The following GALNT17 variants were observed in gnomAD, a reference collection of about 807,000 sequenced individuals.
GALNT17 encodes polypeptide N-acetylgalactosaminyltransferase 17.
In GALNT17, 29 loss-of-function variants were observed where a neutral mutation model predicts 63.7. That is an observed-to-expected ratio of 0.46 (90% CI 0.34 to 0.62). The LOEUF is 0.62. GALNT17 is among the 20% of genes least tolerant of loss of function. The pLI, the probability that GALNT17 is intolerant of heterozygous loss-of-function variation, is 0.01. For missense variants in GALNT17, 603 were observed against 799.6 expected (o/e 0.75, Z 2.97); for synonymous variants, 305 against 318.3 (o/e 0.96, Z 0.45).
At chr7:71,591,007 C>G (rs1026120631) in intron 6 of GALNT17, among the ~76,000 whole-genome samples, 1 of 152,112 alleles carries the variant, frequency 6.6e-6, no homozygotes, top group African/African-American at 2.4e-5. Flanking sequence ...GTGATCCACC[C>G]ACCTAGGCCT....
At position 71,661,080 on chromosome 7, in the gene GALNT17, C is replaced by G. The variant is rs183563724; in HGVS notation, c.1081-4331C>G. Among the ~76,000 whole-genome samples, 328 of 152,328 alleles carry G rather than the reference C, an allele frequency of 2.2e-3. 3 individuals are homozygous for G. The highest frequency in any genetic ancestry group is 7.3e-3 in the African/African-American group (304 of 41,580). On this transcript the variant is annotated intron_variant, in intron 6 of 10. Coordinates refer to ENST00000333538, the MANE Select transcript of GALNT17 (RefSeq NM_022479.3). ...ATATATCTATATGCCCAGCTCTGTC[C>G]TCACTGTTTCCCCTGCTCACTGTGG...
chr7:71,201,936 T>C lies in GALNT17; in HGVS notation c.238+68896T>C, dbSNP rs138571580. Among the ~76,000 whole-genome samples the C allele has an allele frequency of 2.9e-3, 436 of 152,324 alleles. 4 individuals carry two copies. Among genetic ancestry groups the C allele is most frequent in the African/African-American group, 9.8e-3 (409 of 41,576 alleles). On this transcript the variant is annotated intron_variant, in intron 1 of 10. Transcript: ENST00000333538. ...GCGTGAGCCACTGCGCCTGGCCTAC[T>C]TTGGCAGTTAAATTCTTTAAACATT...
intron 5 of GALNT17, among the ~76,000 whole-genome samples, chr7:71,569,260 G>A (rs1476235262): frequency 6.6e-6 from 1 of 152,090 alleles, no homozygotes; most frequent in Non-Finnish European, 1.5e-5. Flanking sequence ...GTGAGTCATC[G>A]TGCCCGGCTC....
chr7:71,701,830 CATATATATATGTGTAT>C (rs1562742404), intron 9 of GALNT17, among the ~76,000 whole-genome samples: 41 of 23,696 alleles, frequency 1.7e-3, no homozygotes, highest in South Asian at 7.7e-3. Context: ...TATATATACA[CATATATATATGTGTAT>C]ATATATATAC....
At chr7:71,413,575 T>A (rs1793469694) in intron 3 of GALNT17, among the ~76,000 whole-genome samples, 1 of 151,810 alleles carries the variant, frequency 6.6e-6, no homozygotes, top group Non-Finnish European at 1.5e-5. Flanking sequence ...GGTTTCTCCA[T>A]GGTGGCCAGG....
intron 5 of GALNT17, among the ~76,000 whole-genome samples, chr7:71,484,797 A>ATTT (rs386410414): frequency 0.7 from 74,815 of 107,288 alleles, 27,766 homozygotes; most frequent in South Asian, 0.75. Context: ...CAGCATCAGG[A>ATTT]TTTTTTTTTT....
intron 1 of GALNT17, among the ~76,000 whole-genome samples, chr7:71,176,975 T>C (rs557840326): frequency 3.9e-5 from 6 of 152,288 alleles, no homozygotes; most frequent in Admixed American, 1.3e-4. Context: ...TGAGGTTGCA[T>C]GCTCATGCTA....
At chr7:71,447,314 C>T (rs530805946) in intron 5 of GALNT17, among the ~76,000 whole-genome samples, 1 of 152,238 alleles carries the variant, frequency 6.6e-6, no homozygotes, top group South Asian at 2.1e-4. Context: ...TCACAGAGCT[C>T]AAGAAAACAC....
At chr7:71,573,707 G>A (rs1320080947) in intron 6 of GALNT17, among the ~76,000 whole-genome samples, 1 of 152,014 alleles carries the variant, frequency 6.6e-6, no homozygotes, top group Non-Finnish European at 1.5e-5. Flanking sequence ...TGTTATATAG[G>A]TGAATTGTGT....
chr7:71,674,095 A>G (rs1020551840), intron 8 of GALNT17, among the ~76,000 whole-genome samples: 4 of 152,206 alleles, frequency 2.6e-5, no homozygotes, highest in African/African-American at 9.6e-5. Context: ...TTTTGTTTTT[A>G]CAAACTTTCT....
chr7:71,144,467 G>A (rs1258699508), intron 1 of GALNT17, among the ~76,000 whole-genome samples: 1 of 152,152 alleles, frequency 6.6e-6, no homozygotes, highest in Non-Finnish European at 1.5e-5. Flanking sequence ...GCAAGAGGCA[G>A]CTTAGATGCT....
intron 3 of GALNT17, among the ~76,000 whole-genome samples, chr7:71,414,667 A>G (rs111351692): frequency 1.2e-4 from 19 of 152,334 alleles, no homozygotes; most frequent in African/African-American, 4.3e-4. Context: ...GGGAAGAGCC[A>G]CGACTAAGTT....
intron 6 of GALNT17, among the ~76,000 whole-genome samples, chr7:71,614,883 G>A (rs1443408033): frequency 2.2e-5 from 3 of 138,600 alleles, no homozygotes; most frequent in African/African-American, 8.4e-5. Context: ...AGGGAGGGAA[G>A]GGAGGGAGGG....
chr7:71,556,491 T>C (rs970006538), intron 5 of GALNT17, among the ~76,000 whole-genome samples: 1 of 152,174 alleles, frequency 6.6e-6, no homozygotes, highest in African/African-American at 2.4e-5. Flanking sequence ...TGGCCCACTG[T>C]TATTAAATAT....
chr7:71,374,604 A>G (rs955143553), intron 2 of GALNT17, among the ~76,000 whole-genome samples: 1 of 152,212 alleles, frequency 6.6e-6, no homozygotes, highest in African/African-American at 2.4e-5. Flanking sequence ...TGAGTGGGAA[A>G]AACTTCAGTC....
At chr7:71,352,959 A>G (rs2116189517) in intron 2 of GALNT17, among the ~76,000 whole-genome samples, 1 of 152,244 alleles carries the variant, frequency 6.6e-6, no homozygotes, top group South Asian at 2.1e-4. Context: ...TGACCTCAAC[A>G]AGGATATTCA....
chr7:71,149,967 G>T (rs1263930433), intron 1 of GALNT17, among the ~76,000 whole-genome samples: 1 of 152,170 alleles, frequency 6.6e-6, no homozygotes, highest in Admixed American at 6.5e-5. Context: ...GAGGTCCCAG[G>T]CCCTGAAAGT....
At chr7:71,623,995 AAG>A (rs1790334728) in intron 6 of GALNT17, among the ~76,000 whole-genome samples, 1 of 152,136 alleles carries the variant, frequency 6.6e-6, no homozygotes, top group African/African-American at 2.4e-5. Context: ...ATCCCCCAGG[AAG>A]TCAAGGAAGC....
At chr7:71,486,442 T>C (rs899594650) in intron 5 of GALNT17, among the ~76,000 whole-genome samples, 1 of 151,474 alleles carries the variant, frequency 6.6e-6, no homozygotes, top group African/African-American at 2.4e-5. Context: ...TGACAGATTC[T>C]CATGACTTCC....
Sources: allele counts gnomAD v4.1 joint callset (sites outside exome capture counted in the v4.1 genomes callset), GRCh38; gene constraint gnomAD v4.1.1; transcripts MANE v1.5; gene names NCBI Gene and HGNC (gene_info 2026-07-23, HGNC 2026-07-21).